Variants in MALRD1 observed in about 807,000 individuals in gnomAD.
MALRD1 encodes MAM and LDL-receptor class A domain-containing protein 1.
Under a neutral mutation model 242.1 loss-of-function variants are expected in MALRD1, and 247 were observed. That is an observed-to-expected ratio of 1.02 (90% CI 0.92 to 1.13). The LOEUF (loss-of-function observed/expected upper bound fraction) is 1.13, where lower values mean the gene tolerates loss of function less well. Ranked by LOEUF, MALRD1 falls within the 50% of genes most tolerant of loss-of-function variation. MALRD1 has a pLI of 0.00. For synonymous variants in MALRD1, 995 were observed against 866.6 expected, an observed-to-expected ratio of 1.15 and a Z score of -2.60; for missense variants, 2,989 against 2,533.1, an observed-to-expected ratio of 1.18 and a Z score of -3.86.
intron 26 of MALRD1, among the ~76,000 whole-genome samples, chr10:19,381,036 T>TCC: frequency 1.4e-5 from 2 of 147,008 alleles, no homozygotes; most frequent in African/African-American, 5.1e-5. Flanking sequence ...ATTAGGTATA[T>TCC]CTCCCAGTGC....
intron 36 of MALRD1, among the ~76,000 whole-genome samples, chr10:19,677,126 A>T (rs1842170044): frequency 6.6e-6 from 1 of 152,148 alleles, no homozygotes; most frequent in African/African-American, 2.4e-5. Flanking sequence ...CAATGAACAT[A>T]TGTGAGCCCG....
At chr10:19,485,035 G>A (rs1837176784) in intron 29 of MALRD1, among the ~76,000 whole-genome samples, 1 of 152,108 alleles carries the variant, frequency 6.6e-6, no homozygotes. Flanking sequence ...AACTTGGATG[G>A]AACTGAAAGC....
chr10:19,591,379 A>G (rs747465947), intron 33 of MALRD1, among the ~76,000 whole-genome samples: 2 of 152,210 alleles, frequency 1.3e-5, no homozygotes, highest in Admixed American at 6.5e-5. Flanking sequence ...GAAATTTGCG[A>G]TCCTCCTATG....
At chr10:19,706,755 G>A (rs146948987) in intron 38 of MALRD1, among the ~76,000 whole-genome samples, 52 of 152,202 alleles carry the variant, frequency 3.4e-4, no homozygotes, top group African/African-American at 1.2e-3. Flanking sequence ...GATAGCAGTT[G>A]GATCTAGGAG....
At chr10:19,695,116 A>G (rs1833307015) in intron 38 of MALRD1, among the ~76,000 whole-genome samples, 1 of 152,166 alleles carries the variant, frequency 6.6e-6, no homozygotes, top group South Asian at 2.1e-4. Context: ...AGATATACCC[A>G]ATGTAAATGA....
chr10:19,222,374 G>T (rs1266292074), intron 18 of MALRD1, among the ~76,000 whole-genome samples: 2 of 152,124 alleles, frequency 1.3e-5, no homozygotes, highest in Non-Finnish European at 2.9e-5. Context: ...GCCGAGGGAC[G>T]CTAGAGAGGT....
intron 2 of MALRD1, among the ~76,000 whole-genome samples, chr10:19,086,321 T>C (rs977413606): frequency 6.6e-6 from 1 of 152,082 alleles, no homozygotes; most frequent in Admixed American, 6.6e-5. Context: ...AAAATACCAC[T>C]GAATAACTTA....
intron 33 of MALRD1, among the ~76,000 whole-genome samples, chr10:19,571,603 A>G (rs1169446807): frequency 6.6e-6 from 1 of 152,176 alleles, no homozygotes; most frequent in Non-Finnish European, 1.5e-5. Flanking sequence ...TTCCAATGAA[A>G]TATAGTTGTT....
At chr10:19,471,080 T>C (rs1308523281) in intron 29 of MALRD1, among the ~76,000 whole-genome samples, 2 of 151,968 alleles carry the variant, frequency 1.3e-5, no homozygotes, top group Non-Finnish European at 2.9e-5. Context: ...GGGTCTTATT[T>C]CATTTTAATC....
intron 18 of MALRD1, among the ~76,000 whole-genome samples, chr10:19,233,663 T>C (rs780347689): frequency 6.6e-6 from 1 of 152,144 alleles, no homozygotes; most frequent in Non-Finnish European, 1.5e-5. Context: ...CTAGCATGTG[T>C]TAAGGTGAAA....
chr10:19,484,715 C>T (rs1177819215), intron 29 of MALRD1, among the ~76,000 whole-genome samples: 2 of 152,124 alleles, frequency 1.3e-5, no homozygotes, highest in Non-Finnish European at 2.9e-5. Context: ...CATTTATACA[C>T]CACTGATGGA....
intron 36 of MALRD1, among the ~76,000 whole-genome samples, chr10:19,673,449 G>A (rs1486705049): frequency 6.6e-6 from 1 of 152,070 alleles, no homozygotes; most frequent in Non-Finnish European, 1.5e-5. Flanking sequence ...GTATAGTGAG[G>A]GAAGAGGCAG....
In MALRD1 at chr10:19,615,938, T is replaced by C; in HGVS notation, c.6137+15T>C. On this transcript the variant is annotated intron_variant, in intron 36 of 39. Coordinates refer to ENST00000454679, the MANE Select transcript of MALRD1 (RefSeq NM_001142308.3). ...CCTATGTGTCGGTAAGAAGCATTGT[T>C]TAATTTTTTTTTTTAAGATTTTTTG... 3 of 1,479,644 alleles carry C rather than the reference T, an allele frequency of 2.0e-6. No homozygotes were observed. The highest frequency in any genetic ancestry group is 5.1e-5 in the East Asian group (2 of 39,446). The allele number at this position is 1,479,644 out of a possible 1,614,324, so 91.7% of individuals were successfully genotyped here. A position where few individuals can be genotyped will look rare whatever the true frequency, so the allele number is the denominator to read the frequency against.
rs541810379 is a variant in MALRD1 at position 19,539,929 on chromosome 10, G to A, written c.5478+8578G>A. 8.8e-4 allele frequency among the ~76,000 whole-genome samples: 122 copies of A among 139,262 alleles called. 2 individuals carry two copies. Among genetic ancestry groups the A allele is most frequent in the Admixed American group, 3.6e-3 (51 of 14,038 alleles). The allele number at this position is 139,262 out of a possible 152,430, so 91.4% of individuals were successfully genotyped here. A position where few individuals can be genotyped will look rare whatever the true frequency, so the allele number is the denominator to read the frequency against. On this transcript the variant is annotated intron_variant, in intron 32 of 39. Coordinates refer to ENST00000454679, the MANE Select transcript of MALRD1 (RefSeq NM_001142308.3). ...GCGCGTGCGCGCACACACGCGCAGT[G>A]ATGGGGTTTTGCCATGTTGCCCAGG...
chr10:19,425,523 C>G (rs1045796640), intron 28 of MALRD1, among the ~76,000 whole-genome samples: 1 of 151,854 alleles, frequency 6.6e-6, no homozygotes, highest in Admixed American at 6.6e-5. Flanking sequence ...CTTTTCTTTT[C>G]TTCCTTTTAA....
chr10:19,523,667 T>C (rs570148024), intron 31 of MALRD1, among the ~76,000 whole-genome samples: 79 of 152,302 alleles, frequency 5.2e-4, no homozygotes, highest in African/African-American at 1.8e-3. Flanking sequence ...CTGTAACTTA[T>C]AGGAAATGGC....
chr10:19,098,616 A>G (rs915086591), intron 4 of MALRD1, among the ~76,000 whole-genome samples: 1 of 152,144 alleles, frequency 6.6e-6, no homozygotes, highest in African/African-American at 2.4e-5. Flanking sequence ...TATACTACTA[A>G]TTAAGAAAAC....
intron 31 of MALRD1, among the ~76,000 whole-genome samples, chr10:19,502,705 C>G (rs901159989): frequency 6.6e-6 from 1 of 152,080 alleles, no homozygotes; most frequent in Non-Finnish European, 1.5e-5. Flanking sequence ...TGCCTGTGAG[C>G]TCGTTAGATA....
chr10:19,490,845 AC>A (rs1257957140), intron 29 of MALRD1, among the ~76,000 whole-genome samples: 1 of 152,154 alleles, frequency 6.6e-6, no homozygotes, highest in Non-Finnish European at 1.5e-5. Context: ...TTTTTCATCT[AC>A]AAAAAATTTG....
Sources: allele counts gnomAD v4.1 joint callset (sites outside exome capture counted in the v4.1 genomes callset), GRCh38; gene constraint gnomAD v4.1.1; transcripts MANE v1.5; gene names NCBI Gene and HGNC (gene_info 2026-07-23, HGNC 2026-07-21).